SLFN12: variants seen among roughly 807,000 people sequenced by gnomAD.
SLFN12 encodes the protein ribonuclease SLFN12.
A neutral mutation model predicts 29.1 loss-of-function variants in SLFN12; 25 were observed. The observed-to-expected ratio is 0.86, with a 90% confidence interval of 0.63 to 1.20. The LOEUF (loss-of-function observed/expected upper bound fraction) is 1.20, where lower values mean the gene tolerates loss of function less well. Among genes scored for constraint, SLFN12 ranks in the 50% most tolerant of loss-of-function variants. SLFN12 has a pLI of 0.00. For synonymous variants in SLFN12, 257 were observed against 238.7 expected, an observed-to-expected ratio of 1.08 and a Z score of -0.71; for missense variants, 660 against 666.2, an observed-to-expected ratio of 0.99 and a Z score of 0.10.
intron 3 of SLFN12, among the ~76,000 whole-genome samples, chr17:35,417,113 A>G (rs1228052832): frequency 6.6e-6 from 1 of 152,148 alleles, no homozygotes; most frequent in Non-Finnish European, 1.5e-5. Context: ...AGAGAAAACT[A>G]TTCTTAGACC....
Position 35,422,640 on chromosome 17 carries a change from T to A in SLFN12, c.389A>T (p.Asp130Val), listed in dbSNP as rs146946588. ...TTLSSNLYKR[D>V]ITSAKVMNAT... ...ATTCATGACTTTTGCAGATGTTATATCTCTTTTGTACAAATTGGAGCTCAA... is the reference window on the plus strand; with the variant it reads ...ATTCATGACTTTTGCAGATGTTATAACTCTTTTGTACAAATTGGAGCTCAA... The change falls in exon 2 of 4, where the codon GAT (aspartate) becomes GTT (valine). Residue 130 changes from aspartate (D) to valine (V), a missense_variant. Transcript: ENST00000304905. The A allele has an allele frequency of 4.3e-4, 695 of 1,613,952 alleles. 13 individuals are homozygous for A. In the East Asian group the frequency reaches 0.015, roughly 36 times the overall value.
chr17:35,416,452 G>A (rs769226874), intron 3 of SLFN12, among the ~76,000 whole-genome samples: 11 of 151,898 alleles, frequency 7.2e-5, no homozygotes, highest in Non-Finnish European at 1.5e-4. Flanking sequence ...CACCACTAAA[G>A]AACTTATTCA....
intron 3 of SLFN12, among the ~76,000 whole-genome samples, chr17:35,417,017 T>G (rs1431011557): frequency 6.6e-6 from 1 of 152,088 alleles, no homozygotes; most frequent in Non-Finnish European, 1.5e-5. Context: ...TTATATAAAT[T>G]TTTTCAAAGG....
intron 3 of SLFN12, 41 bp downstream of exon 3, chr17:35,420,231 TAC>T (rs1288618176): frequency 7.2e-7 from 1 of 1,390,784 alleles, no homozygotes; most frequent in African/African-American, 1.4e-5. Context: ...GAGGTTTGAC[TAC>T]AGTCACACTA....
chr17:35,431,599 C>T (rs79474079), intron 1 of SLFN12, among the ~76,000 whole-genome samples: 8,440 of 152,194 alleles, frequency 0.055, 383 homozygotes, highest in Non-Finnish European at 0.08. Flanking sequence ...CTTAGAGCGT[C>T]AGACGTCTCT....
chr17:35,421,534 CTTTTTTTTTTT>C (rs770181686), intron 2 of SLFN12, among the ~76,000 whole-genome samples: 1 of 104,296 alleles, frequency 9.6e-6, no homozygotes, highest in Non-Finnish European at 1.9e-5. Flanking sequence ...AGGCAGGGAA[CTTTTTTTTTTT>C]TTTTTTTTTT....
chr17:35,432,616 G>A (rs1420925149), upstream of SLFN12: 1 of 152,168 alleles, frequency 6.6e-6, no homozygotes. Flanking sequence ...CTGGAGACCA[G>A]TCTGATTGGT....
In SLFN12 at chr17:35,422,636, T is replaced by C; in HGVS notation, c.393A>G (p.Ile131Met). 1 of 1,613,982 alleles carries C rather than the reference T, an allele frequency of 6.2e-7. No homozygotes were observed. Among genetic ancestry groups the C allele is most frequent in the Non-Finnish European group, 8.5e-7 (1 of 1,179,958 alleles). ...TLSSNLYKRD[I>M]TSAKVMNATA... ...TGGCATTCATGACTTTTGCAGATGT[T>C]ATATCTCTTTTGTACAAATTGGAGC... The change falls in exon 2 of 4, where the codon ATA becomes ATG. Residue 131 changes from isoleucine to methionine, a missense_variant. Coordinates refer to ENST00000304905, the MANE Select transcript of SLFN12 (RefSeq NM_018042.5).
At chr17:35,428,644 C>T (rs778958279) in intron 1 of SLFN12, among the ~76,000 whole-genome samples, 16 of 152,126 alleles carry the variant, frequency 1.1e-4, no homozygotes, top group Admixed American at 3.3e-4. Context: ...TTGCATATGA[C>T]CCAGGGAGAT....
chr17:35,425,838 C>CTTTTTT lies in SLFN12; in HGVS notation c.-40-2776_-40-2771dup, dbSNP rs58492425. 7.4e-3 allele frequency among the ~76,000 whole-genome samples: 288 copies of CTTTTTT among 39,146 alleles called. 20 individuals are homozygous for CTTTTTT. Among genetic ancestry groups the CTTTTTT allele is most frequent in the East Asian group, 0.012 (15 of 1,262 alleles). 25.7% of individuals were successfully genotyped at this position (39,146 alleles called of 152,430 possible). On this transcript the variant is annotated intron_variant, in intron 1 of 3. Coordinates refer to ENST00000304905, the MANE Select transcript of SLFN12 (RefSeq NM_018042.5). ...GGTTCTTTTTCTTTTCTTTTCTTTT[C>CTTTTTT]TTTTTTTTTTTTTTTTTTTTTTTTT...
rs1350278086 is a variant in SLFN12, at chr17:35,411,112, A to T, written c.*226T>A. On this transcript the variant is annotated 3_prime_UTR_variant, in exon 4 of 4. Coordinates refer to ENST00000304905, the MANE Select transcript of SLFN12 (RefSeq NM_018042.5). Reference sequence around the variant, plus strand: ...TTTATTCAGGAACTACAGACAGAGTAAATAATACTGTGCACAGACGAGTTA... The same window carrying T: ...TTTATTCAGGAACTACAGACAGAGTTAATAATACTGTGCACAGACGAGTTA... The T allele has an allele frequency of 5.7e-6, 2 of 350,128 alleles. No homozygotes were observed. Among genetic ancestry groups the T allele is most frequent in the Non-Finnish European group, 1.0e-5 (2 of 193,838 alleles). 21.7% of individuals were successfully genotyped at this position (350,128 alleles called of 1,614,324 possible).
rs1310905381 is a variant in SLFN12 at position 35,411,079 on chromosome 17, G to C, written c.*259C>G. The C allele has an allele frequency of 4.0e-6, 1 of 249,516 alleles. No individual in the cohort carries two copies. The highest frequency in any genetic ancestry group is 7.6e-6 in the Non-Finnish European group (1 of 131,666). The allele number at this position is 249,516 out of a possible 1,614,324, so 15.5% of individuals were successfully genotyped here. ...TTGCAATTTTCCCAGTTCAAGCATG[G>C]AAGAAAATTTATTCAGGAACTACAG... On this transcript the variant is annotated 3_prime_UTR_variant, in exon 4 of 4. Coordinates refer to ENST00000304905, the MANE Select transcript of SLFN12 (RefSeq NM_018042.5).
At chr17:35,423,390 CTA>C (rs1032543039) in intron 1 of SLFN12, among the ~76,000 whole-genome samples, 1 of 152,032 alleles carries the variant, frequency 6.6e-6, no homozygotes, top group East Asian at 1.9e-4. Context: ...TGGAGTGAGT[CTA>C]TGTTTTTATC....
At position 35,422,104 on chromosome 17, in the gene SLFN12, G is replaced by A. The variant is rs772945700; in HGVS notation, c.925C>T (p.Arg309Cys). 13 of 1,613,962 alleles carry A rather than the reference G, an allele frequency of 8.1e-6. No individual in the cohort carries two copies. The highest frequency in any genetic ancestry group is 1.1e-5 in the Non-Finnish European group (13 of 1,180,022). ...CGYVCALRVE[R>C]FCCAVFAKEP... The stretch of plus-strand genomic sequence containing the variant: ...TTAGCAAACACTGCACAGCAGAAGC[G>A]CTCCACTCTGAGTGCACAGACATAT... Residue 309 changes from arginine to cysteine, a missense_variant, in exon 2 of 4, where the codon CGC becomes TGC. Physicochemically the swap from Arg to Cys is radical, Grantham distance 180 (BLOSUM62 -3). Transcript: ENST00000304905.
chr17:35,413,565 T>C (rs1198137800), intron 3 of SLFN12, among the ~76,000 whole-genome samples: 2 of 151,836 alleles, frequency 1.3e-5, no homozygotes, highest in Non-Finnish European at 2.9e-5. Context: ...CTGGCCAACA[T>C]GGTGACACCC....
intron 1 of SLFN12, among the ~76,000 whole-genome samples, chr17:35,426,662 G>A (rs995358560): frequency 1.3e-5 from 2 of 152,010 alleles, no homozygotes; most frequent in Non-Finnish European, 2.9e-5. Context: ...GTTGGAAATT[G>A]GACATTTGAA....
intron 1 of SLFN12, among the ~76,000 whole-genome samples, chr17:35,425,179 C>G (rs984397674): frequency 6.6e-6 from 1 of 152,028 alleles, no homozygotes; most frequent in Admixed American, 6.6e-5. Context: ...TGCCTATGGT[C>G]TCAGCTACTT....
intron 3 of SLFN12, among the ~76,000 whole-genome samples, chr17:35,416,737 G>T (rs1911338130): frequency 6.6e-6 from 1 of 152,078 alleles, no homozygotes; most frequent in South Asian, 2.1e-4. Context: ...GAAACAGAAA[G>T]AGTAGGCAAC....
At chr17:35,429,319 C>T (rs191609689) in intron 1 of SLFN12, among the ~76,000 whole-genome samples, 1 of 152,098 alleles carries the variant, frequency 6.6e-6, no homozygotes, top group East Asian at 1.9e-4. Context: ...CCTGGGATCC[C>T]GGTCACCCCA....
Sources: allele counts gnomAD v4.1 joint callset (sites outside exome capture counted in the v4.1 genomes callset), GRCh38; gene constraint gnomAD v4.1.1; transcripts MANE v1.5; gene names NCBI Gene and HGNC (gene_info 2026-07-23, HGNC 2026-07-21).